The following UPRT variants were observed in gnomAD, a reference collection of about 807,000 sequenced individuals.
The protein encoded by UPRT is uracil phosphoribosyltransferase homolog.
Under a neutral mutation model 22.6 loss-of-function variants are expected in UPRT, and 5 were observed. The observed-to-expected ratio is 0.22, with a 90% CI of 0.12 to 0.47. UPRT has a LOEUF of 0.47. Among genes scored for constraint, UPRT ranks in the 20% least tolerant of loss-of-function variants. The pLI, the probability that UPRT is intolerant of heterozygous loss-of-function variation, is 0.99. For synonymous variants in UPRT, 77 were observed against 87.7 expected (o/e 0.88, Z 0.68); for missense variants, 181 against 239.9 (o/e 0.75, Z 1.62).
At chrX:75,266,161 G>A in intron 4 of UPRT, among the ~76,000 whole-genome samples, 1 of 111,234 alleles carries the variant, frequency 9.0e-6, no homozygotes, top group East Asian at 2.8e-4. Context: ...AACAAAGCTG[G>A]AGGCATCATG....
At chrX:75,172,864 G>A (rs1163057832) in intron 4 of UPRT, among the ~76,000 whole-genome samples, 1 of 111,279 alleles carries the variant, frequency 9.0e-6, no homozygotes, top group Non-Finnish European at 1.9e-5. Context: ...AAGCAGCGTG[G>A]ACCTAAAGAG....
At chrX:75,220,025 G>A (rs1050448882) in intron 4 of UPRT, among the ~76,000 whole-genome samples, 1 of 110,724 alleles carries the variant, frequency 9.0e-6, no homozygotes, top group African/African-American at 3.3e-5. Context: ...AGACTCTAAC[G>A]ATCATTGTTT....
At chrX:75,251,326 C>T (rs1438992815) in intron 4 of UPRT, among the ~76,000 whole-genome samples, 1 of 111,269 alleles carries the variant, frequency 9.0e-6, no homozygotes, top group Non-Finnish European at 1.9e-5. Flanking sequence ...TCGTCTCAGC[C>T]CAAAATCTCC....
chrX:75,236,181 T>G (rs757322331), intron 4 of UPRT, among the ~76,000 whole-genome samples: 36 of 111,238 alleles, frequency 3.2e-4, no homozygotes, highest in African/African-American at 9.8e-4. Context: ...CAAATCATGA[T>G]TGAACTCCCA....
chrX:75,180,979 G>GT (rs1357905581), intron 4 of UPRT, among the ~76,000 whole-genome samples: 3 of 109,767 alleles, frequency 2.7e-5, no homozygotes, highest in Non-Finnish European at 5.7e-5. Flanking sequence ...GTCTTCCAGG[G>GT]TTTTTATAGT....
At chrX:75,217,497 G>A (rs1238698669) in intron 4 of UPRT, among the ~76,000 whole-genome samples, 1 of 111,490 alleles carries the variant, frequency 9.0e-6, no homozygotes, top group Non-Finnish European at 1.9e-5. Context: ...GTGGTTTGTA[G>A]TTCTCCTTGA....
Position 75,177,307 on chromosome X carries a change from C to T in UPRT, c.-447+9428C>T, listed in dbSNP as rs189531204. Among the ~76,000 whole-genome samples, 126 of 90,173 alleles carry T rather than the reference C, an allele frequency of 1.4e-3. 29 individuals are homozygous for T. In the East Asian group the frequency reaches 0.27, roughly 194 times the overall value. 78.3% of individuals were successfully genotyped at this position (90,173 alleles called of 115,157 possible). A position where few individuals can be genotyped will look rare whatever the true frequency, so the allele number is the denominator to read the frequency against. ...TGCTGATCGGAATAGTTGCACTTAC[C>T]GACGCAGCAGCAGAAACGCTAGTTT... On this transcript the variant is annotated intron_variant, in intron 4 of 13. Coordinates refer to the UPRT transcript ENST00000652605.
intron 4 of UPRT, among the ~76,000 whole-genome samples, chrX:75,180,695 G>GTTTTTTTTTTT (rs61040746): frequency 1.2e-4 from 4 of 34,647 alleles, no homozygotes; most frequent in African/African-American, 2.6e-4. Flanking sequence ...TTTTTTTTTT[G>GTTTTTTTTTTT]TTTTTTTTTT....
At chrX:75,241,911 G>T (rs2082489802) in intron 4 of UPRT, among the ~76,000 whole-genome samples, 1 of 110,516 alleles carries the variant, frequency 9.0e-6, no homozygotes, top group Non-Finnish European at 1.9e-5. Context: ...GGACTCTGGG[G>T]ACTTGAGAGG....
intron 4 of UPRT, among the ~76,000 whole-genome samples, chrX:75,189,690 G>A (rs1270500013): frequency 8.9e-6 from 1 of 112,028 alleles, no homozygotes; most frequent in African/African-American, 3.2e-5. Flanking sequence ...TATATGTTTA[G>A]GATATTTAGC....
At chrX:75,294,643 C>A (rs1234470633) in intron 2 of UPRT, 1 of 947,175 alleles carries the variant, frequency 1.1e-6, no homozygotes, top group Non-Finnish European at 1.4e-6. Context: ...GGTTCAGAGA[C>A]CAATTTTATT....
At chrX:75,245,413 C>A in intron 4 of UPRT, among the ~76,000 whole-genome samples, 1 of 111,466 alleles carries the variant, frequency 9.0e-6, no homozygotes, top group Middle Eastern at 4.2e-3. Context: ...AGAACAATTA[C>A]CATTTGACCC....
At chrX:75,261,605 T>G (rs1468117283) in intron 4 of UPRT, among the ~76,000 whole-genome samples, 1 of 111,894 alleles carries the variant, frequency 8.9e-6, no homozygotes, top group Non-Finnish European at 1.9e-5. Context: ...AAAGAGGAGC[T>G]GGTACCTATC....
chrX:75,275,754 G>A (rs2082628784), intron 1 of UPRT, among the ~76,000 whole-genome samples: 1 of 111,290 alleles, frequency 9.0e-6, no homozygotes, highest in South Asian at 3.8e-4. Flanking sequence ...CTGTCACCCA[G>A]GCTGGAGTGC....
intron 4 of UPRT, among the ~76,000 whole-genome samples, chrX:75,195,346 G>T (rs888370583): frequency 4.4e-5 from 5 of 112,569 alleles, no homozygotes; most frequent in Non-Finnish European, 9.4e-5. Context: ...AGAGCAAGGG[G>T]TGCTCAGGTT....
At chrX:75,185,340 T>C (rs1281926871) in intron 4 of UPRT, among the ~76,000 whole-genome samples, 6 of 112,264 alleles carry the variant, frequency 5.3e-5, no homozygotes, top group African/African-American at 1.9e-4. Context: ...TTTGCGTATA[T>C]TGAACCAGCC....
At chrX:75,245,882 A>T (rs971409529) in intron 4 of UPRT, among the ~76,000 whole-genome samples, 1 of 111,439 alleles carries the variant, frequency 9.0e-6, no homozygotes, top group Non-Finnish European at 1.9e-5. Context: ...CTGTATATCA[A>T]CCCATGTGAC....
chrX:75,201,263 G>C (rs766199676), intron 4 of UPRT, among the ~76,000 whole-genome samples: 1 of 112,696 alleles, frequency 8.9e-6, no homozygotes, highest in Non-Finnish European at 1.9e-5. Flanking sequence ...TCACTAGAAA[G>C]TAATTTGTTC....
intron 3 of UPRT, among the ~76,000 whole-genome samples, chrX:75,164,187 A>C (rs758160744): frequency 5.4e-5 from 6 of 110,730 alleles, no homozygotes; most frequent in African/African-American, 2.0e-4. Context: ...TAAATAAATA[A>C]ATAAATAAAT....
Sources: allele counts gnomAD v4.1 joint callset (sites outside exome capture counted in the v4.1 genomes callset), GRCh38; gene constraint gnomAD v4.1.1; transcripts MANE v1.5; gene names NCBI Gene and HGNC (gene_info 2026-07-23, HGNC 2026-07-21).